The following DMD variants were observed in gnomAD, a reference collection of about 807,000 sequenced individuals.
The protein encoded by DMD is mutant dystrophin.
DMD carries 63 observed loss-of-function variants against 330.1 expected under a neutral mutation model. That is an observed-to-expected ratio of 0.19 (90% CI 0.16 to 0.24). DMD has a LOEUF of 0.24. Among genes scored for constraint, DMD ranks in the 10% least tolerant of loss-of-function variants. DMD has a pLI of 1.00. For synonymous variants in DMD, 1,223 were observed against 959.8 expected (o/e 1.27, Z -5.07); for missense variants, 3,344 against 2,684.1 (o/e 1.25, Z -5.43).
At chrX:31,982,826 A>G (rs1456483075) in intron 44 of DMD, among the ~76,000 whole-genome samples, 1 of 108,461 alleles carries the variant, frequency 9.2e-6, no homozygotes, top group Non-Finnish European at 1.9e-5. Flanking sequence ...TTACTACCAT[A>G]TTTGCATTAG....
At chrX:32,379,010 G>C (rs756562336) in intron 34 of DMD, among the ~76,000 whole-genome samples, 2 of 94,382 alleles carry the variant, frequency 2.1e-5, no homozygotes, top group African/African-American at 7.9e-5. Context: ...TATTTTTAAA[G>C]AAATAATGAG....
At chrX:31,663,761 G>C (rs1296772023) in intron 53 of DMD, among the ~76,000 whole-genome samples, 1 of 110,664 alleles carries the variant, frequency 9.0e-6, no homozygotes, top group Non-Finnish European at 1.9e-5. Context: ...TCAAACATGA[G>C]TGTCTCTCTC....
At position 32,774,947 on chromosome X, in the gene DMD, C is replaced by T. The variant is rs185135691; in HGVS notation, c.649+34546G>A. On this transcript the variant is annotated intron_variant, in intron 7 of 78. Coordinates refer to ENST00000357033, the MANE Select transcript of DMD (RefSeq NM_004006.3). ...CTCTCTGCCTACAAGCCTGTAAAACCAAAAGCAAGCTAGTTACTTCCAAGG... is the reference window on the plus strand; with the variant it reads ...CTCTCTGCCTACAAGCCTGTAAAACTAAAAGCAAGCTAGTTACTTCCAAGG... 5.3e-5 allele frequency among the ~76,000 whole-genome samples: 6 copies of T among 112,247 alleles called. No individual in the cohort carries two copies. In the Admixed American group the frequency reaches 5.7e-4, roughly 11 times the overall value.
chrX:31,750,676 T>C (rs1393511114), intron 51 of DMD, among the ~76,000 whole-genome samples: 30 of 106,476 alleles, frequency 2.8e-4, no homozygotes, highest in South Asian at 8.3e-4. Context: ...AAATAAAGGG[T>C]ATTCAATTAG....
chrX:32,247,966 T>C (rs2097247867), intron 43 of DMD, among the ~76,000 whole-genome samples: 1 of 112,008 alleles, frequency 8.9e-6, no homozygotes, highest in Non-Finnish European at 1.9e-5. Context: ...CCAAGTCTGC[T>C]AATATGAAGA....
chrX:31,631,662 C>T (rs2079143249), intron 54 of DMD, among the ~76,000 whole-genome samples: 1 of 111,677 alleles, frequency 9.0e-6, no homozygotes, highest in Non-Finnish European at 1.9e-5. Context: ...CCTGAGAGCA[C>T]TCTCCAATAA....
At chrX:31,181,324 A>AG (rs1203219368) in intron 68 of DMD, among the ~76,000 whole-genome samples, 1 of 111,649 alleles carries the variant, frequency 9.0e-6, no homozygotes, top group Non-Finnish European at 1.9e-5. Context: ...ATCTTTCAAG[A>AG]GGGGGACAGG....
At chrX:32,774,062 A>G (rs951326377) in intron 7 of DMD, among the ~76,000 whole-genome samples, 7 of 111,652 alleles carry the variant, frequency 6.3e-5, no homozygotes, top group Non-Finnish European at 1.3e-4. Flanking sequence ...CTAGAAAGAT[A>G]CACTCGCACA....
intron 1 of DMD, among the ~76,000 whole-genome samples, chrX:33,204,287 A>AT (rs1192100986): frequency 8.9e-6 from 1 of 111,999 alleles, no homozygotes; most frequent in Non-Finnish European, 1.9e-5. Flanking sequence ...GGCCATTCAG[A>AT]TGCAAGCTTG....
intron 6 of DMD, among the ~76,000 whole-genome samples, chrX:32,814,512 A>T (rs2148790676): frequency 8.9e-6 from 1 of 112,109 alleles, no homozygotes; most frequent in East Asian, 2.8e-4. Context: ...TTTTCTTTAG[A>T]TAAAGAATAT....
At chrX:32,959,785 G>A (rs2091802499) in intron 2 of DMD, among the ~76,000 whole-genome samples, 1 of 111,249 alleles carries the variant, frequency 9.0e-6, no homozygotes, top group South Asian at 3.8e-4. Flanking sequence ...AACAAATCAC[G>A]TATAGGCAAC....
chrX:32,658,659 A>C (rs112572867), intron 9 of DMD, among the ~76,000 whole-genome samples: 2 of 110,402 alleles, frequency 1.8e-5, no homozygotes, highest in African/African-American at 6.6e-5. Context: ...TCCCCCTCCA[A>C]TTGATTCTCA....
chrX:32,853,432 A>T (rs1462285463), intron 2 of DMD, among the ~76,000 whole-genome samples: 3 of 112,039 alleles, frequency 2.7e-5, no homozygotes, highest in African/African-American at 9.7e-5. Context: ...AGATATAAAC[A>T]AACAACAAAA....
intron 44 of DMD, among the ~76,000 whole-genome samples, chrX:32,123,202 C>CATAT (rs59017074): frequency 0.061 from 1,981 of 32,439 alleles, 125 homozygotes; most frequent in East Asian, 0.086. Context: ...TGTGAGCATG[C>CATAT]ATATATATAT....
chrX:31,767,808 T>C (rs2090095725), intron 51 of DMD, among the ~76,000 whole-genome samples: 1 of 112,146 alleles, frequency 8.9e-6, no homozygotes, highest in South Asian at 3.7e-4. Flanking sequence ...ATGCTTTTTG[T>C]GTATAGACAG....
chrX:32,169,731 T>C (rs1407525213), intron 44 of DMD, among the ~76,000 whole-genome samples: 1 of 112,130 alleles, frequency 8.9e-6, no homozygotes, highest in Non-Finnish European at 1.9e-5. Flanking sequence ...AGAGTTGCCA[T>C]GGAAGAGAAA....
At chrX:33,150,879 T>G (rs1377706408) in intron 1 of DMD, among the ~76,000 whole-genome samples, 1 of 111,493 alleles carries the variant, frequency 9.0e-6, no homozygotes, top group African/African-American at 3.3e-5. Context: ...GTCCTGATTG[T>G]GGGAAATCAG....
At chrX:31,470,402 C>T (rs2067208900) in intron 59 of DMD, among the ~76,000 whole-genome samples, 1 of 111,758 alleles carries the variant, frequency 8.9e-6, no homozygotes, top group Non-Finnish European at 1.9e-5. Context: ...CAGTCAGGAA[C>T]CCTCTGCTGC....
At chrX:31,629,616 C>T (rs1439938656) in intron 54 of DMD, among the ~76,000 whole-genome samples, 2 of 111,803 alleles carry the variant, frequency 1.8e-5, no homozygotes, top group Non-Finnish European at 3.8e-5. Context: ...CGGCTCCCTG[C>T]TTATCTAGTT....
Sources: gnomAD v4.1 joint callset for allele counts (sites outside exome capture counted in the v4.1 genomes callset) on GRCh38, gnomAD v4.1.1 for gene constraint, MANE v1.5 for transcripts, NCBI Gene and HGNC (gene_info 2026-07-23, HGNC 2026-07-21) for gene names.